ZNRF3: variants seen among roughly 807,000 people sequenced by gnomAD.
ZNRF3 encodes zinc and ring finger 3, also known as E3 ubiquitin-protein ligase ZNRF3.
Under a neutral mutation model 72.5 loss-of-function variants are expected in ZNRF3, and 23 were observed. The ratio of observed to expected loss-of-function variants is 0.32; its 90% CI spans 0.23 to 0.45. ZNRF3 has a LOEUF of 0.45. Ranked by LOEUF, ZNRF3 falls within the 20% of genes least tolerant of loss-of-function variation. The pLI is 1.00. For missense variants in ZNRF3, 1,169 were observed against 1,272.1 expected (o/e 0.92, Z 1.23); for synonymous variants, 610 against 545.3 (o/e 1.12, Z -1.65).
At chr22:29,040,704 G>C (rs1421554371) in intron 2 of ZNRF3, among the ~76,000 whole-genome samples, 2 of 152,146 alleles carry the variant, frequency 1.3e-5, no homozygotes, top group African/African-American at 4.8e-5. Flanking sequence ...AAAAAGAAAG[G>C]GTCCCCTGCA....
chr22:28,994,738 A>T (rs952211083), intron 2 of ZNRF3, among the ~76,000 whole-genome samples: 1 of 152,216 alleles, frequency 6.6e-6, no homozygotes, highest in Non-Finnish European at 1.5e-5. Flanking sequence ...ATTTCATGTT[A>T]TGTATATTTT....
At position 29,057,477 on chromosome 22, in the gene ZNRF3, A is replaced by C. The variant is rs2037319793; in HGVS notation, c.*3855A>C. The C allele has an allele frequency of 6.6e-6, 1 of 152,180 alleles. No homozygotes were observed. The highest frequency in any genetic ancestry group is 2.1e-4 in the South Asian group (1 of 4,826). The allele number at this position is 152,180 out of a possible 1,614,324, so 9.4% of individuals were successfully genotyped here. ...TGTAAAAAAAAAATACAATTTTATC[A>C]AGTATGTGTTATATGTTGTCATTGG... is the stretch of plus-strand genomic sequence containing the variant. On this transcript the variant is annotated 3_prime_UTR_variant, in exon 9 of 9. Coordinates refer to ENST00000544604, the MANE Select transcript of ZNRF3 (RefSeq NM_001206998.2).
At chr22:28,994,172 C>CTTTTTTTTTTTTTTTTTTTTTTTT (rs1569274128) in intron 2 of ZNRF3, among the ~76,000 whole-genome samples, 1 of 78,766 alleles carries the variant, frequency 1.3e-5, no homozygotes, top group Non-Finnish European at 2.4e-5. Flanking sequence ...CCTTCAGTTC[C>CTTTTTTTTTTTTTTTTTTTTTTTT]TTTCTTTTTT....
chr22:29,045,362 CAAAA>C (rs59285656), intron 5 of ZNRF3, among the ~76,000 whole-genome samples: 10 of 97,590 alleles, frequency 1.0e-4, no homozygotes, highest in Non-Finnish European at 2.1e-5. Flanking sequence ...CCCTGTCTCA[CAAAA>C]AAAAAAAAAA....
intron 1 of ZNRF3, among the ~76,000 whole-genome samples, chr22:28,898,602 A>G (rs2034043916): frequency 6.6e-6 from 1 of 152,264 alleles, no homozygotes; most frequent in Non-Finnish European, 1.5e-5. Context: ...GCGTAGTAGA[A>G]GTTCTATGTA....
At chr22:28,905,899 A>C (rs1158330912) in intron 1 of ZNRF3, among the ~76,000 whole-genome samples, 2 of 152,204 alleles carry the variant, frequency 1.3e-5, no homozygotes, top group Middle Eastern at 3.2e-3. Flanking sequence ...ACTAAAGTGC[A>C]GAGAGGTTTA....
chr22:29,045,096 C>T (rs2037040851), intron 5 of ZNRF3, among the ~76,000 whole-genome samples: 1 of 152,140 alleles, frequency 6.6e-6, no homozygotes, highest in Non-Finnish European at 1.5e-5. Flanking sequence ...CACCATGACT[C>T]ACGCTTGTAA....
At chr22:28,886,795 CA>C (rs948371911) in intron 1 of ZNRF3, among the ~76,000 whole-genome samples, 66 of 140,632 alleles carry the variant, frequency 4.7e-4, no homozygotes, top group African/African-American at 3.9e-4. Flanking sequence ...CTGGTCTCTA[CA>C]AAAAAAAAAA....
intron 1 of ZNRF3, among the ~76,000 whole-genome samples, chr22:28,945,509 T>C (rs1437036613): frequency 6.7e-6 from 1 of 149,376 alleles, no homozygotes; most frequent in Non-Finnish European, 1.5e-5. Context: ...CTGGGCAACA[T>C]GGCAAAACCC....
intron 2 of ZNRF3, among the ~76,000 whole-genome samples, chr22:29,001,895 T>C (rs977724313): frequency 9.2e-5 from 14 of 152,232 alleles, no homozygotes; most frequent in African/African-American, 3.1e-4. Flanking sequence ...CAGTTGTCCT[T>C]ACTGTAGTAT....
At chr22:28,939,679 C>G (rs1245360483) in intron 1 of ZNRF3, among the ~76,000 whole-genome samples, 1 of 152,092 alleles carries the variant, frequency 6.6e-6, no homozygotes, top group Non-Finnish European at 1.5e-5. Flanking sequence ...TCTCGGAGGG[C>G]AGAATCTGTG....
intron 2 of ZNRF3, among the ~76,000 whole-genome samples, chr22:29,016,764 C>G (rs917411427): frequency 2.8e-4 from 42 of 152,214 alleles, no homozygotes; most frequent in African/African-American, 9.9e-4. Flanking sequence ...TAGGGCTGCT[C>G]TATCTCAGAG....
intron 1 of ZNRF3, among the ~76,000 whole-genome samples, chr22:28,913,210 C>T (rs970147757): frequency 6.6e-5 from 10 of 152,180 alleles, no homozygotes; most frequent in Admixed American, 2.6e-4. Flanking sequence ...AGGATCTATG[C>T]TATGCATTAA....
At chr22:29,016,072 A>G (rs910608810) in intron 2 of ZNRF3, among the ~76,000 whole-genome samples, 1 of 151,082 alleles carries the variant, frequency 6.6e-6, no homozygotes, top group Non-Finnish European at 1.5e-5. Context: ...GTTGTATCTT[A>G]TACTGTGAAC....
intron 1 of ZNRF3, among the ~76,000 whole-genome samples, chr22:28,954,437 T>G (rs1325154404): frequency 6.6e-6 from 1 of 152,124 alleles, no homozygotes; most frequent in Admixed American, 6.5e-5. Context: ...CTTAATTACC[T>G]CCCAAAGACC....
intron 1 of ZNRF3, among the ~76,000 whole-genome samples, chr22:28,891,556 A>T (rs1447797193): frequency 6.6e-5 from 10 of 152,278 alleles, no homozygotes. Context: ...GGTAGATGGC[A>T]TGTGCCAGAG....
At chr22:28,983,893 C>T (rs2035808800) in intron 1 of ZNRF3, among the ~76,000 whole-genome samples, 1 of 152,162 alleles carries the variant, frequency 6.6e-6, no homozygotes, top group East Asian at 1.9e-4. Context: ...TCCTGAGTCC[C>T]TGTGAAGAGT....
intron 1 of ZNRF3, among the ~76,000 whole-genome samples, chr22:28,887,561 T>C (rs767989285): frequency 1.3e-5 from 2 of 152,318 alleles, no homozygotes; most frequent in Middle Eastern, 3.4e-3. Flanking sequence ...TTTTTTTTAA[T>C]GTCTCCATCT....
intron 1 of ZNRF3, among the ~76,000 whole-genome samples, chr22:28,903,976 G>A (rs577337974): frequency 1.8e-4 from 27 of 152,014 alleles, no homozygotes; most frequent in African/African-American, 5.8e-4. Context: ...GGGCCTTCCC[G>A]CTCAACACCC....
Sources: gnomAD v4.1 joint callset for allele counts (sites outside exome capture counted in the v4.1 genomes callset) on GRCh38, gnomAD v4.1.1 for gene constraint, MANE v1.5 for transcripts, NCBI Gene and HGNC (gene_info 2026-07-23, HGNC 2026-07-21) for gene names.